Variants in TPO observed in about 807,000 individuals in gnomAD.
The protein encoded by TPO is thyroid peroxidase.
Under a neutral mutation model 96.9 loss-of-function variants are expected in TPO, and 78 were observed. That is an observed-to-expected ratio of 0.81 (90% CI 0.67 to 0.97). The LOEUF (loss-of-function observed/expected upper bound fraction) is 0.97. TPO is among the 50% of genes least tolerant of loss of function. The pLI, the probability that TPO is intolerant of heterozygous loss-of-function variation, is 0.00. For synonymous variants in TPO, 547 were observed against 538.0 expected, an observed-to-expected ratio of 1.02 and a Z score of -0.23; for missense variants, 1,252 against 1,274.8, an observed-to-expected ratio of 0.98 and a Z score of 0.27.
In TPO at chr2:1,480,127, G is replaced by A. The variant is rs538443451; in HGVS notation, c.1338+2523G>A. Reference sequence around the variant, plus strand: ...AAATAATAACAACAGCAACCAATAGGAAAAGTGTTCTTCTCTGTTTCATAT... The same window carrying A: ...AAATAATAACAACAGCAACCAATAGAAAAAGTGTTCTTCTCTGTTTCATAT... On this transcript the variant is annotated intron_variant, in intron 8 of 16. Transcript: ENST00000329066. Among the ~76,000 whole-genome samples the A allele has an allele frequency of 2.6e-5, 4 of 152,236 alleles. No homozygotes were observed. The South Asian group carries it at 6.2e-4, about 24-fold the overall frequency.
intron 2 of TPO, among the ~76,000 whole-genome samples, chr2:1,420,049 T>C (rs1437884490): frequency 6.6e-6 from 1 of 152,208 alleles, no homozygotes; most frequent in East Asian, 1.9e-4. Flanking sequence ...ATGAGAGTTA[T>C]GTGTCTCTGG....
intron 15 of TPO, among the ~76,000 whole-genome samples, chr2:1,524,388 C>T (rs1288554944): frequency 8.6e-6 from 1 of 116,726 alleles, no homozygotes; most frequent in Non-Finnish European, 1.8e-5. Context: ...AAATCCCCCC[C>T]ACTCTGTGCA....
At chr2:1,537,763 C>G (rs1680161357) in intron 15 of TPO, among the ~76,000 whole-genome samples, 1 of 102,864 alleles carries the variant, frequency 9.7e-6, no homozygotes, top group African/African-American at 4.2e-5. Flanking sequence ...ATCTCCCTCA[C>G]TGAGTACAAC....
Position 1,487,960 on chromosome 2 carries a change from C to T in TPO, c.1737C>T (p.Asn579=). The change falls in exon 10 of 17, where the codon AAC becomes AAT. Residue 579 remains asparagine, a synonymous_variant. Transcript: ENST00000329066. ...NSSTLDLASI[N]LQRGRDHGLP... Reference sequence around the variant, plus strand: ...GCACCTTGGATCTGGCGTCCATCAACCTGCAGAGGGGCCGGGACCACGGGC... The same window carrying T: ...GCACCTTGGATCTGGCGTCCATCAATCTGCAGAGGGGCCGGGACCACGGGC... The T allele has an allele frequency of 1.9e-6, 3 of 1,613,908 alleles. No homozygotes were observed. Among genetic ancestry groups the T allele is most frequent in the Non-Finnish European group, 2.5e-6 (3 of 1,180,034 alleles).
At chr2:1,506,445 T>C (rs1673473079) in intron 14 of TPO, among the ~76,000 whole-genome samples, 1 of 152,234 alleles carries the variant, frequency 6.6e-6, no homozygotes, top group African/African-American at 2.4e-5. Flanking sequence ...TCTAGATCCC[T>C]GAGGAATCGC....
intron 15 of TPO, among the ~76,000 whole-genome samples, chr2:1,533,819 C>G (rs80177364): frequency 1.8e-4 from 15 of 84,718 alleles, no homozygotes; most frequent in African/African-American, 4.6e-4. Context: ...CCAAATCGCC[C>G]CACTGTGTGC....
intron 5 of TPO, among the ~76,000 whole-genome samples, chr2:1,443,678 G>A (rs1666443617): frequency 7.4e-6 from 1 of 135,320 alleles, no homozygotes; most frequent in Non-Finnish European, 1.6e-5. Context: ...GCTGCAGGAG[G>A]CACCTTGTTG....
At chr2:1,463,935 G>C (rs1364434570) in intron 7 of TPO, among the ~76,000 whole-genome samples, 2 of 152,178 alleles carry the variant, frequency 1.3e-5, no homozygotes, top group Admixed American at 6.5e-5. Context: ...AGAACAGGTG[G>C]TGTTTGGTTA....
At chr2:1,422,972 G>A in intron 2 of TPO, 73 bp from the exon 3 acceptor site, 3 of 1,532,114 alleles carry the variant, frequency 2.0e-6, no homozygotes, top group Non-Finnish European at 2.7e-6. Flanking sequence ...ATGGGCTTGA[G>A]GAACAAAGCA....
intron 15 of TPO, among the ~76,000 whole-genome samples, chr2:1,528,386 C>CT: frequency 7.1e-6 from 1 of 141,104 alleles, no homozygotes; most frequent in Admixed American, 7.0e-5. Flanking sequence ...CAAATCCCGC[C>CT]ACTGTGTGCA....
At position 1,516,911 on chromosome 2, in the gene TPO, G is replaced by A; in HGVS notation, c.2547G>A (p.Trp849Ter). ...CCGGGAGGCTCCCTCGGGTGACTTG[G>A]ATCTCCATGTCGCTGGCTGCTCTGC... ...VDSGRLPRVT[W>*]ISMSLAALLI... The change falls in exon 15 of 17, where the codon TGG becomes TGA. Residue 849 changes from tryptophan (W) to a stop codon, truncating the protein, a stop_gained. Coordinates refer to ENST00000329066, the MANE Select transcript of TPO (RefSeq NM_001206744.2). LOFTEE classifies it high-confidence loss of function. 1 of 1,613,980 alleles carries A rather than the reference G, an allele frequency of 6.2e-7. No individual in the cohort carries two copies. The highest frequency in any genetic ancestry group is 8.5e-7 in the Non-Finnish European group (1 of 1,180,036).
At chr2:1,419,585 T>G (rs114318648) in intron 2 of TPO, among the ~76,000 whole-genome samples, 1 of 152,194 alleles carries the variant, frequency 6.6e-6, no homozygotes, top group Non-Finnish European at 1.5e-5. Context: ...CTCAACAGCC[T>G]GGAACCAGCC....
At chr2:1,456,346 G>A (rs1667785734) in intron 7 of TPO, 64 bp downstream of exon 7, 1 of 1,541,898 alleles carries the variant, frequency 6.5e-7, no homozygotes, top group East Asian at 2.3e-5. Context: ...ACGTCAAACA[G>A]AATGGTATAA....
chr2:1,458,335 CAT>C (rs1210651576), intron 7 of TPO, among the ~76,000 whole-genome samples: 26 of 151,664 alleles, frequency 1.7e-4, no homozygotes, highest in African/African-American at 6.3e-4. Flanking sequence ...AATATGCGGA[CAT>C]GTGTGTATAT....
chr2:1,525,419 C>A (rs1256226433), intron 15 of TPO, among the ~76,000 whole-genome samples: 5 of 124,072 alleles, frequency 4.0e-5, no homozygotes, highest in East Asian at 2.6e-4. Flanking sequence ...CAAATCCCCC[C>A]ACTGTGTGCA....
intron 3 of TPO, among the ~76,000 whole-genome samples, chr2:1,431,800 TTAATTATGG>T (rs1255835365): frequency 6.6e-6 from 1 of 152,264 alleles, no homozygotes; most frequent in African/African-American, 2.4e-5. Flanking sequence ...AACAATGCAT[TTAATTATGG>T]CAGAACAACT....
chr2:1,402,700 G>C (rs1419820801), intron 1 of TPO, among the ~76,000 whole-genome samples: 1 of 152,144 alleles, frequency 6.6e-6, no homozygotes, highest in African/African-American at 2.4e-5. Flanking sequence ...GATCTCATGA[G>C]ACTTACTCAG....
At chr2:1,542,311 C>A in intron 16 of TPO, 110 bp from the exon 17 acceptor site, 2 of 1,449,878 alleles carry the variant, frequency 1.4e-6, no homozygotes, top group Admixed American at 1.9e-5. Context: ...GCCAGCGGTC[C>A]TTTGTGAAAA....
At chr2:1,466,608 C>G (rs1487503785) in intron 7 of TPO, among the ~76,000 whole-genome samples, 1 of 152,072 alleles carries the variant, frequency 6.6e-6, no homozygotes, top group East Asian at 1.9e-4. Context: ...CTGACTTAAG[C>G]TAGGAGGGTT....
Sources: allele counts gnomAD v4.1 joint callset (sites outside exome capture counted in the v4.1 genomes callset), GRCh38; gene constraint gnomAD v4.1.1; transcripts MANE v1.5; gene names NCBI Gene and HGNC (gene_info 2026-07-23, HGNC 2026-07-21).